Variants in UGT1A9 observed in about 807,000 individuals in gnomAD.
UGT1A9 encodes the protein UDP glucuronosyltransferase family 1 member A9.
UGT1A9 carries 35 observed loss-of-function variants against 45.0 expected under a neutral mutation model. The ratio of observed to expected loss-of-function variants is 0.78; its 90% CI spans 0.59 to 1.03. The LOEUF is 1.03. Ranked by LOEUF, UGT1A9 falls within the 50% of genes least tolerant of loss-of-function variation. The pLI, the probability that UGT1A9 is intolerant of heterozygous loss-of-function variation, is 0.00. For synonymous variants in UGT1A9, 278 were observed against 250.6 expected (o/e 1.11, Z -1.03); for missense variants, 687 against 666.6 (o/e 1.03, Z -0.34).
At chr2:233,672,820 A>G in intron 1 of UGT1A9, 31 bp downstream of exon 1, 1 of 1,579,740 alleles carries the variant, frequency 6.3e-7, no homozygotes, top group Non-Finnish European at 8.6e-7. Flanking sequence ...CACCTTAAGA[A>G]TACTTCACCT....
chr2:233,743,834 A>G lies in UGT1A9; in HGVS notation c.856-23200A>G, dbSNP rs1692538057. 1 of 1,366,970 alleles carries G rather than the reference A, an allele frequency of 7.3e-7. No homozygotes were observed. Among genetic ancestry groups the G allele is most frequent in the South Asian group, 1.1e-5 (1 of 88,054 alleles). The allele number at this position is 1,366,970 out of a possible 1,614,324, so 84.7% of individuals were successfully genotyped here. On this transcript the variant is annotated intron_variant, in intron 1 of 4. Coordinates refer to ENST00000354728, the MANE Select transcript of UGT1A9 (RefSeq NM_021027.3). ...AGGGTTTTTGTCGGGGTGCCACTTG[A>G]GCGCCAGCTTGCGGTACGCCTTCTT...
At chr2:233,744,115 T>G (rs556316328) in intron 1 of UGT1A9, 2 of 367,954 alleles carry the variant, frequency 5.4e-6, no homozygotes, top group East Asian at 1.5e-4. Flanking sequence ...CCCTGCTCTC[T>G]GTGAGGCTCT....
At position 233,772,698 on chromosome 2, in the gene UGT1A9, A is replaced by C; in HGVS notation, c.*139A>C. Reference sequence around the variant, plus strand: ...AATTAATCAGCCCCAGAGTGCTTTAAAAAATTCTCTTAAATAAAAATAATA... The same window carrying C: ...AATTAATCAGCCCCAGAGTGCTTTACAAAATTCTCTTAAATAAAAATAATA... On this transcript the variant is annotated 3_prime_UTR_variant, in exon 5 of 5. Coordinates refer to ENST00000354728, the MANE Select transcript of UGT1A9 (RefSeq NM_021027.3). 6.7e-7 allele frequency: 1 copy of C among 1,482,372 alleles called. No homozygotes were observed. The highest frequency in any genetic ancestry group is 1.4e-5 in the African/African-American group (1 of 70,578). The allele number at this position is 1,482,372 out of a possible 1,614,324, so 91.8% of individuals were successfully genotyped here. A position where few individuals can be genotyped will look rare whatever the true frequency, so the allele number is the denominator to read the frequency against.
intron 4 of UGT1A9, chr2:233,770,022 T>G (rs12474441): frequency 0.019 from 3,075 of 161,660 alleles, 63 homozygotes; most frequent in Admixed American, 0.065. Context: ...CTTCTTTCCC[T>G]GCACTGTTGA....
chr2:233,755,095 C>A, intron 1 of UGT1A9: 1 of 1,334,726 alleles, frequency 7.5e-7, no homozygotes, highest in Non-Finnish European at 1.0e-6. Context: ...CGTTTCTACG[C>A]GTCCGACAAC....
At chr2:233,736,540 G>T (rs7564935) in intron 1 of UGT1A9, among the ~76,000 whole-genome samples, 55,271 of 152,042 alleles carry the variant, frequency 0.36, 10,225 homozygotes, top group African/African-American at 0.41. Context: ...TCTCTTTCCA[G>T]CTTTGCTCCA....
intron 1 of UGT1A9, among the ~76,000 whole-genome samples, chr2:233,765,077 C>T (rs1698745230): frequency 6.6e-6 from 1 of 152,130 alleles, no homozygotes; most frequent in South Asian, 2.1e-4. Context: ...TCCTGTGTCT[C>T]ACATCTAGGG....
intron 1 of UGT1A9, among the ~76,000 whole-genome samples, chr2:233,680,212 A>T (rs945771439): frequency 2.2e-4 from 33 of 152,154 alleles, no homozygotes; most frequent in Non-Finnish European, 1.5e-5. Context: ...TGCACTTTAT[A>T]GTCCCATGGT....
At chr2:233,760,542 G>A in intron 1 of UGT1A9, 1 of 1,614,262 alleles carries the variant, frequency 6.2e-7, no homozygotes, top group Non-Finnish European at 8.5e-7. Flanking sequence ...CATTCCAAAG[G>A]GAGGATGTGA....
intron 1 of UGT1A9, among the ~76,000 whole-genome samples, chr2:233,733,323 T>C (rs921178929): frequency 2.6e-5 from 4 of 152,220 alleles, no homozygotes; most frequent in African/African-American, 9.6e-5. Flanking sequence ...CTGATTGCCC[T>C]GGCCAGAACT....
At position 233,772,917 on chromosome 2, in the gene UGT1A9, G is replaced by A. The variant is rs930433907; in HGVS notation, c.*358G>A. ...TCCCACGGCTGCCCCTACTGCAAAT[G>A]GCAGTTTTAATCTTATCTTTTGGCT... On this transcript the variant is annotated 3_prime_UTR_variant, in exon 5 of 5. Coordinates refer to ENST00000354728, the MANE Select transcript of UGT1A9 (RefSeq NM_021027.3). The A allele has an allele frequency of 5.3e-6, 2 of 380,130 alleles. No individual in the cohort carries two copies. The highest frequency in any genetic ancestry group is 9.3e-6 in the Non-Finnish European group (2 of 215,476). The allele number at this position is 380,130 out of a possible 1,614,324, so 23.5% of individuals were successfully genotyped here.
intron 1 of UGT1A9, among the ~76,000 whole-genome samples, chr2:233,765,362 C>T (rs923355848): frequency 3.3e-5 from 5 of 152,128 alleles, no homozygotes; most frequent in African/African-American, 7.2e-5. Context: ...AACCCAGATG[C>T]CCATCAATGG....
chr2:233,732,301 C>A (rs2078258261), intron 1 of UGT1A9, among the ~76,000 whole-genome samples: 1 of 152,184 alleles, frequency 6.6e-6, no homozygotes, highest in South Asian at 2.1e-4. Flanking sequence ...TTAATTAGAT[C>A]CCATTTGTCT....
At chr2:233,747,065 G>T (rs1693553512) in intron 1 of UGT1A9, 1 of 956,080 alleles carries the variant, frequency 1.0e-6, no homozygotes, top group Admixed American at 2.9e-5. Context: ...TGGTTAATCG[G>T]TAATAATTAA....
rs1699505482 is a variant in UGT1A9, at chr2:233,767,840, C to T, written c.988-9C>T. The T allele has an allele frequency of 5.6e-6, 9 of 1,614,028 alleles. No homozygotes were observed. The highest frequency in any genetic ancestry group is 1.1e-5 in the South Asian group (1 of 91,070). ...TTTCTTTACGTTCTGCTCTTTTTGC[C>T]CCTCCCAGGTCCTGTGGCGGTACAC... On this transcript the variant is annotated splice_polypyrimidine_tract_variant and intron_variant, in intron 2 of 4. Coordinates refer to ENST00000354728, the MANE Select transcript of UGT1A9 (RefSeq NM_021027.3).
rs1239644692 is a variant in UGT1A9 at position 233,769,886 on chromosome 2, C to T, written c.1295+1447C>T. On this transcript the variant is annotated intron_variant, in intron 4 of 4. Coordinates refer to ENST00000354728, the MANE Select transcript of UGT1A9 (RefSeq NM_021027.3). The surrounding 1 kb of genome is among the most constrained non-coding windows in gnomAD (Gnocchi z 4.4). ...AAAAAAAAAAAAAATGAAAAGTCCACATAACCTGAGCATCATGTGCCCAGA... is the reference window on the plus strand; with the variant it reads ...AAAAAAAAAAAAAATGAAAAGTCCATATAACCTGAGCATCATGTGCCCAGA... The T allele has an allele frequency of 5.3e-5, 21 of 399,374 alleles. No individual in the cohort carries two copies. The South Asian group carries it at 8.0e-4, about 15-fold the overall frequency. The allele number at this position is 399,374 out of a possible 1,614,324, so 24.7% of individuals were successfully genotyped here.
chr2:233,737,646 G>T (rs1166167912), intron 1 of UGT1A9, among the ~76,000 whole-genome samples: 1 of 152,194 alleles, frequency 6.6e-6, no homozygotes, highest in African/African-American at 2.4e-5. Flanking sequence ...CGTCGATCAT[G>T]CTGGGAGCTG....
chr2:233,743,059 A>T (rs1424842143), intron 1 of UGT1A9: 1 of 324,044 alleles, frequency 3.1e-6, no homozygotes, highest in Non-Finnish European at 6.0e-6. Context: ...CCCAACGATA[A>T]GAACAGGTGT....
chr2:233,693,904 C>T (rs749571075), intron 1 of UGT1A9: 22 of 1,613,158 alleles, frequency 1.4e-5, no homozygotes, highest in Admixed American at 6.7e-5. Context: ...CTTGTTTCTT[C>T]CAGGCTCTGT....
Sources: allele counts gnomAD v4.1 joint callset (sites outside exome capture counted in the v4.1 genomes callset), GRCh38; gene constraint gnomAD v4.1.1; non-coding constraint Gnocchi (gnomAD v3.1); transcripts MANE v1.5; gene names NCBI Gene and HGNC (gene_info 2026-07-23, HGNC 2026-07-21).